ZNF677: variants seen among roughly 807,000 people sequenced by gnomAD.
ZNF677 encodes zinc finger protein 677.
ZNF677 carries 5 observed loss-of-function variants against 8.1 expected under a neutral mutation model. The observed-to-expected ratio is 0.62, with a 90% CI of 0.32 to 1.29. The LOEUF is 1.29. Ranked by LOEUF, ZNF677 falls within the 50% of genes most tolerant of loss-of-function variation. The pLI is 0.05. For synonymous variants in ZNF677, 221 were observed against 225.6 expected (o/e 0.98, Z 0.18); for missense variants, 685 against 685.9 (o/e 1.00, Z 0.01).
intron 3 of ZNF677, among the ~76,000 whole-genome samples, chr19:53,247,905 T>C (rs1283284888): frequency 2.0e-5 from 3 of 152,234 alleles, no homozygotes; most frequent in African/African-American, 7.2e-5. Flanking sequence ...AGTGAAATCA[T>C]AGTTTTAAAA....
intron 3 of ZNF677, among the ~76,000 whole-genome samples, chr19:53,250,857 C>G (rs2091223546): frequency 6.6e-6 from 1 of 152,218 alleles, no homozygotes; most frequent in Non-Finnish European, 1.5e-5. Flanking sequence ...TAAACACCCA[C>G]TGCATGAGAA....
intron 3 of ZNF677, among the ~76,000 whole-genome samples, chr19:53,248,718 G>A (rs1477405330): frequency 6.6e-6 from 1 of 152,122 alleles, no homozygotes; most frequent in Non-Finnish European, 1.5e-5. Flanking sequence ...TTATTTCTAT[G>A]TTGCTACTAT....
intron 3 of ZNF677, among the ~76,000 whole-genome samples, chr19:53,250,235 G>C (rs913557489): frequency 6.6e-6 from 1 of 152,152 alleles, no homozygotes; most frequent in Non-Finnish European, 1.5e-5. Context: ...GGAGAAAAAG[G>C]AACACTTACA....
rs375098424 is a variant in ZNF677 at position 53,237,929 on chromosome 19, A to G, written c.798T>C (p.Asn266=). The G allele has an allele frequency of 1.6e-4, 258 of 1,612,428 alleles. No individual in the cohort carries two copies. The highest frequency in any genetic ancestry group is 2.1e-4 in the Non-Finnish European group (248 of 1,179,972). The change falls in exon 5 of 5, where the codon AAT becomes AAC. Residue 266 remains asparagine (N), a synonymous_variant. Coordinates refer to ENST00000598513, the MANE Select transcript of ZNF677 (RefSeq NM_182609.4). ...THIREKSYKC[N]DCGKAFSKSS... is the part of the protein sequence containing the mutation. ...TTTTGCTAAAAGCCTTTCCACAGTC[A>G]TTACACTTGTATGATTTTTCTCTAA...
chr19:53,237,907 T>C lies in ZNF677; in HGVS notation c.820A>G (p.Lys274Glu). The C allele has an allele frequency of 6.2e-7, 1 of 1,612,870 alleles. No homozygotes were observed. The highest frequency in any genetic ancestry group is 8.5e-7 in the Non-Finnish European group (1 of 1,179,962). Residue 274 changes from lysine (K) to glutamate (E), a missense_variant, in exon 5 of 5, where the codon AAA (lysine) becomes GAA (glutamate). Coordinates refer to ENST00000598513, the MANE Select transcript of ZNF677 (RefSeq NM_182609.4). The part of the protein sequence containing the change: ...KCNDCGKAFS[K>E]SSNLTNHQRI... Reference sequence around the variant, plus strand: ...TGATGATTAGTGAGGTTCGAACTTTTGCTAAAAGCCTTTCCACAGTCATTA... The same window carrying C: ...TGATGATTAGTGAGGTTCGAACTTTCGCTAAAAGCCTTTCCACAGTCATTA...
At chr19:53,251,851 C>A (rs922510627) in intron 2 of ZNF677, among the ~76,000 whole-genome samples, 1 of 152,184 alleles carries the variant, frequency 6.6e-6, no homozygotes, top group African/African-American at 2.4e-5. Flanking sequence ...ATTGCATTGT[C>A]CTTTGTCCAC....
At chr19:53,247,795 A>G (rs1280610984) in intron 3 of ZNF677, among the ~76,000 whole-genome samples, 1 of 152,222 alleles carries the variant, frequency 6.6e-6, no homozygotes, top group Non-Finnish European at 1.5e-5. Context: ...CTATCCAGCT[A>G]GGTTTAATAT....
chr19:53,242,554 T>A (rs1179508073), intron 4 of ZNF677: 1 of 395,992 alleles, frequency 2.5e-6, no homozygotes, highest in Non-Finnish European at 4.4e-6. Flanking sequence ...CATTCCCCTT[T>A]AGACACATGT....
At position 53,238,205 on chromosome 19, in the gene ZNF677, A is replaced by G; in HGVS notation, c.522T>C (p.Asn174=). The G allele has an allele frequency of 1.2e-6, 2 of 1,613,786 alleles. No homozygotes were observed. Among genetic ancestry groups the G allele is most frequent in the Non-Finnish European group, 1.7e-6 (2 of 1,179,912 alleles). The part of the protein sequence containing the change: ...PFIRNLLKLK[N]NIRYAGNKYV... ...ATTTGTTTCCGGCATACCTTATGTT[A>G]TTTTTCAGTTTTAACAAATTCCTTA... The change falls in exon 5 of 5, where the codon AAT becomes AAC. Residue 174 remains asparagine (N), a synonymous_variant. Coordinates refer to ENST00000598513, the MANE Select transcript of ZNF677 (RefSeq NM_182609.4).
intron 3 of ZNF677, among the ~76,000 whole-genome samples, chr19:53,245,235 A>G (rs2091117249): frequency 6.6e-6 from 1 of 152,198 alleles, no homozygotes; most frequent in Non-Finnish European, 1.5e-5. Context: ...TTTCTTGGAT[A>G]TAACACCAAA....
intron 3 of ZNF677, among the ~76,000 whole-genome samples, chr19:53,247,522 C>T (rs1168615752): frequency 1.3e-5 from 2 of 152,196 alleles, no homozygotes; most frequent in African/African-American, 4.8e-5. Context: ...TAAAGTGTTG[C>T]TCAAGCCCTT....
Position 53,237,398 on chromosome 19 carries a change from A to C in ZNF677, c.1329T>G (p.Ser443Arg), listed in dbSNP as rs779125711. ...CNVCGRAFIQ[S>R]SSLVEHQRIH... ...TTCTCTGATGTTCCACAAGACTTGA[A>C]CTTTGGATAAAAGCCCTGCCACACA... Residue 443 changes from serine (S) to arginine (R), a missense_variant, in exon 5 of 5, where the codon AGT becomes AGG. By Grantham distance (110) the Ser-to-Arg change is moderately radical. Transcript: ENST00000598513. 13 of 1,613,854 alleles carry C rather than the reference A, an allele frequency of 8.1e-6. No homozygotes were observed. The highest frequency in any genetic ancestry group is 1.1e-5 in the Non-Finnish European group (13 of 1,180,000).
At chr19:53,246,834 T>C (rs891280791) in intron 3 of ZNF677, among the ~76,000 whole-genome samples, 7 of 152,208 alleles carry the variant, frequency 4.6e-5, no homozygotes, top group Admixed American at 3.3e-4. Context: ...TATTGTATAC[T>C]TAAAAATTTG....
At chr19:53,251,848 T>C (rs1201438972) in intron 2 of ZNF677, among the ~76,000 whole-genome samples, 1 of 152,222 alleles carries the variant, frequency 6.6e-6, no homozygotes, top group African/African-American at 2.4e-5. Flanking sequence ...TCAATTGCAT[T>C]GTCCTTTGTC....
At chr19:53,246,680 A>C (rs973999951) in intron 3 of ZNF677, among the ~76,000 whole-genome samples, 1 of 152,212 alleles carries the variant, frequency 6.6e-6, no homozygotes, top group Non-Finnish European at 1.5e-5. Flanking sequence ...AACTGAAAAC[A>C]GTAAAACTCA....
intron 3 of ZNF677, among the ~76,000 whole-genome samples, chr19:53,251,155 G>C (rs1402986273): frequency 1.3e-5 from 2 of 152,064 alleles, no homozygotes; most frequent in Non-Finnish European, 2.9e-5. Context: ...CCAGGTATTT[G>C]TGCACATTAA....
chr19:53,247,737 T>C (rs2091169118), intron 3 of ZNF677, among the ~76,000 whole-genome samples: 1 of 152,228 alleles, frequency 6.6e-6, no homozygotes, highest in Non-Finnish European at 1.5e-5. Context: ...TCAACATCTC[T>C]GGTATCAATT....
Position 53,237,880 on chromosome 19 carries a change from T to C in ZNF677, c.847A>G (p.Arg283Gly). 3 of 1,613,620 alleles carry C rather than the reference T, an allele frequency of 1.9e-6. No individual in the cohort carries two copies. Among genetic ancestry groups the C allele is most frequent in the Non-Finnish European group, 2.5e-6 (3 of 1,180,016 alleles). Residue 283 changes from arginine to glycine, a missense_variant, in exon 5 of 5, where the codon AGA becomes GGA. Physicochemically the swap from Arg to Gly is moderately radical, Grantham distance 125. Transcript: ENST00000598513. ...SKSSNLTNHQ[R>G]IHSGQRPYKC... is the part of the protein sequence containing the mutation. ...TAAGGTCTCTGTCCAGAGTGAATTC[T>C]CTGATGATTAGTGAGGTTCGAACTT...
At chr19:53,244,490 AC>A (rs149062055) in intron 3 of ZNF677, among the ~76,000 whole-genome samples, 143 of 152,382 alleles carry the variant, frequency 9.4e-4, no homozygotes, top group Non-Finnish European at 1.6e-3. Context: ...GAAATGCCGT[AC>A]CCATTAAGCA....
Sources: gnomAD v4.1 joint callset for allele counts (sites outside exome capture counted in the v4.1 genomes callset) on GRCh38, gnomAD v4.1.1 for gene constraint, MANE v1.5 for transcripts, NCBI Gene and HGNC (gene_info 2026-07-23, HGNC 2026-07-21) for gene names.